TOGARAM1: variants seen among roughly 807,000 people sequenced by gnomAD.
TOGARAM1 encodes TOG array regulator of axonemal microtubules 1, also known as TOG array regulator of axonemal microtubules protein 1.
A neutral mutation model predicts 166.6 loss-of-function variants in TOGARAM1; 100 were observed. That is an observed-to-expected ratio of 0.60 (90% CI 0.51 to 0.71). The LOEUF (loss-of-function observed/expected upper bound fraction) is 0.71. Among genes scored for constraint, TOGARAM1 ranks in the 30% least tolerant of loss-of-function variants. TOGARAM1 has a pLI of 0.00. For synonymous variants in TOGARAM1, 758 were observed against 763.8 expected (o/e 0.99, Z 0.13); for missense variants, 2,029 against 2,102.7 (o/e 0.96, Z 0.69).
Position 44,963,394 on chromosome 14 carries a change from C to G in TOGARAM1, c.973C>G (p.Leu325Val), listed in dbSNP as rs141343918. The G allele has an allele frequency of 6.2e-7, 1 of 1,614,194 alleles. No homozygotes were observed. The highest frequency in any genetic ancestry group is 1.3e-5 in the African/African-American group (1 of 75,040). The change falls in exon 1 of 20, where the codon CTT (leucine) becomes GTT (valine). Residue 325 changes from leucine (L) to valine (V), a missense_variant. By Grantham distance (32) the Leu-to-Val change is conservative (BLOSUM62 1). Coordinates refer to ENST00000361462, the MANE Select transcript of TOGARAM1 (RefSeq NM_001308120.2). ...AAGTCAGGTTCCTTATTATTTGGAA[C>G]TTGAAGCCTCTGGATTTCCTGAAGA... ...FGSQVPYYLELEASGFPEDPL... is the reference protein window; with the variant it reads ...FGSQVPYYLEVEASGFPEDPL...
chr14:44,988,369 T>A (rs1886962578), intron 1 of TOGARAM1, among the ~76,000 whole-genome samples: 2 of 152,260 alleles, frequency 1.3e-5, no homozygotes, highest in Non-Finnish European at 2.9e-5. Flanking sequence ...AATTTTATCC[T>A]GATTTATTAA....
chr14:45,019,010 A>C (rs1880327935), intron 7 of TOGARAM1, among the ~76,000 whole-genome samples: 1 of 152,220 alleles, frequency 6.6e-6, no homozygotes, highest in South Asian at 2.1e-4. Flanking sequence ...GCACATCCAA[A>C]TCTGAACCAG....
intron 1 of TOGARAM1, among the ~76,000 whole-genome samples, chr14:44,979,224 C>A (rs1784390331): frequency 6.6e-6 from 1 of 152,094 alleles, no homozygotes; most frequent in Non-Finnish European, 1.5e-5. Flanking sequence ...CTTCTTCCTG[C>A]TGCTGTAACA....
chr14:44,990,278 C>CG (rs1887056723), intron 1 of TOGARAM1, among the ~76,000 whole-genome samples: 1 of 152,214 alleles, frequency 6.6e-6, no homozygotes, highest in African/African-American at 2.4e-5. Flanking sequence ...CCACTGCTGC[C>CG]GTCTGTGTGA....
intron 4 of TOGARAM1, 124 bp downstream of exon 4, chr14:45,004,490 AT>A: frequency 1.4e-6 from 1 of 698,808 alleles, no homozygotes; most frequent in Non-Finnish European, 2.3e-6. Flanking sequence ...TTTAGTAAAT[AT>A]TTAGGAAAAT....
At chr14:45,073,234 T>A in intron 19 of TOGARAM1, 62 bp from the exon 20 acceptor site, 1 of 1,469,902 alleles carries the variant, frequency 6.8e-7, no homozygotes, top group Non-Finnish European at 9.1e-7. Context: ...TGCTTTTTAT[T>A]TAGCAGAGCT....
chr14:45,021,690 G>C (rs568670823), intron 7 of TOGARAM1, among the ~76,000 whole-genome samples: 4 of 152,132 alleles, frequency 2.6e-5, no homozygotes, highest in Admixed American at 6.5e-5. Flanking sequence ...GGTTGGGGTA[G>C]ATAAAATGAC....
At position 44,997,854 on chromosome 14, in the gene TOGARAM1, C is replaced by G. The variant is rs375385105; in HGVS notation, c.2204-1509C>G. On this transcript the variant is annotated intron_variant, in intron 2 of 19. Transcript: ENST00000361462. ...AGGTTGAGGAGGTTGAGCTTGAGTT[C>G]TAAATGATAGTTTAGGATTTCAAGA... 1.4e-4 allele frequency among the ~76,000 whole-genome samples: 21 copies of G among 151,578 alleles called. No homozygotes were observed. In the East Asian group the frequency reaches 3.7e-3, roughly 27 times the overall value.
At chr14:45,002,377 A>G (rs1887728091) in intron 3 of TOGARAM1, among the ~76,000 whole-genome samples, 1 of 152,224 alleles carries the variant, frequency 6.6e-6, no homozygotes, top group Admixed American at 6.5e-5. Context: ...GTCATATTGC[A>G]CAGTGGCTCT....
At chr14:45,027,539 T>C in intron 9 of TOGARAM1, 65 bp downstream of exon 9, 1 of 1,269,674 alleles carries the variant, frequency 7.9e-7, no homozygotes, top group East Asian at 2.6e-5. Context: ...TTTGTGTATA[T>C]CAGATGTGGG....
chr14:45,033,454 C>T (rs572429374), intron 11 of TOGARAM1, among the ~76,000 whole-genome samples: 10 of 152,130 alleles, frequency 6.6e-5, no homozygotes, highest in East Asian at 3.9e-4. Flanking sequence ...AGCCTTAAAA[C>T]GGTATCTAAA....
chr14:44,994,370 T>A (rs2138804854), intron 1 of TOGARAM1, among the ~76,000 whole-genome samples: 1 of 151,944 alleles, frequency 6.6e-6, no homozygotes, highest in South Asian at 2.1e-4. Context: ...CCACCCACCT[T>A]GGCCTCTCAA....
chr14:45,019,503 T>C (rs1880365740), intron 7 of TOGARAM1, among the ~76,000 whole-genome samples: 1 of 152,082 alleles, frequency 6.6e-6, no homozygotes, highest in Non-Finnish European at 1.5e-5. Flanking sequence ...CAAGATTTAA[T>C]AGAGTGAAAA....
chr14:45,035,261 G>A (rs969895391), intron 11 of TOGARAM1, among the ~76,000 whole-genome samples: 1 of 152,140 alleles, frequency 6.6e-6, no homozygotes, highest in Non-Finnish European at 1.5e-5. Flanking sequence ...TGGGGCGACT[G>A]GGGCAGGAGA....
chr14:45,054,620 A>T, intron 16 of TOGARAM1, 71 bp downstream of exon 16: 1 of 1,138,568 alleles, frequency 8.8e-7, no homozygotes, highest in Non-Finnish European at 1.3e-6. Flanking sequence ...GGATGTTTTC[A>T]TAAACTACCC....
intron 16 of TOGARAM1, among the ~76,000 whole-genome samples, chr14:45,055,836 T>C (rs1256495545): frequency 6.9e-6 from 1 of 145,460 alleles, no homozygotes; most frequent in African/African-American, 2.6e-5. Context: ...TTTGGCTACT[T>C]GGGCTCTTTT....
chr14:45,039,967 A>G (rs560855202), intron 11 of TOGARAM1, among the ~76,000 whole-genome samples: 3 of 152,302 alleles, frequency 2.0e-5, no homozygotes, highest in South Asian at 2.1e-4. Flanking sequence ...ACTGCCATCA[A>G]TGTGACCCAA....
At chr14:45,040,903 G>A (rs889145407) in intron 11 of TOGARAM1, among the ~76,000 whole-genome samples, 6 of 152,038 alleles carry the variant, frequency 3.9e-5, no homozygotes, top group Admixed American at 3.9e-4. Context: ...GCCAGGTGTG[G>A]CGGCCCATGC....
intron 14 of TOGARAM1, among the ~76,000 whole-genome samples, chr14:45,048,370 A>G (rs1351982831): frequency 6.6e-6 from 1 of 151,754 alleles, no homozygotes; most frequent in Non-Finnish European, 1.5e-5. Context: ...AGTCATAAAG[A>G]TTAAAGTAAA....
Sources: allele counts gnomAD v4.1 joint callset (sites outside exome capture counted in the v4.1 genomes callset), GRCh38; gene constraint gnomAD v4.1.1; transcripts MANE v1.5; gene names NCBI Gene and HGNC (gene_info 2026-07-23, HGNC 2026-07-21).